GFM2: variants seen among roughly 807,000 people sequenced by gnomAD.
GFM2 encodes GTP dependent ribosome recycling factor mitochondrial 2.
Under a neutral mutation model 95.4 loss-of-function variants are expected in GFM2, and 72 were observed. The ratio of observed to expected loss-of-function variants is 0.76; its 90% CI spans 0.62 to 0.92. The LOEUF is 0.92. GFM2 is among the 40% of genes least tolerant of loss of function. The probability of loss-of-function intolerance (pLI) is 0.00; values close to 1 mark genes in which losing one functional copy is unlikely to be tolerated. For missense variants in GFM2, 825 were observed against 924.1 expected, an observed-to-expected ratio of 0.89 and a Z score of 1.39; for synonymous variants, 276 against 317.5, an observed-to-expected ratio of 0.87 and a Z score of 1.39.
intron 15 of GFM2, among the ~76,000 whole-genome samples, chr5:74,733,747 A>C (rs1579981029): frequency 6.6e-6 from 1 of 152,224 alleles, no homozygotes; most frequent in Non-Finnish European, 1.5e-5. Context: ...TTATTTTCCA[A>C]ATATCAATTT....
intron 5 of GFM2, among the ~76,000 whole-genome samples, chr5:74,753,550 T>C (rs1040182483): frequency 6.6e-6 from 1 of 152,076 alleles, no homozygotes; most frequent in Non-Finnish European, 1.5e-5. Context: ...TGAGCCGAGA[T>C]TGTACCACTG....
In GFM2 at chr5:74,725,685, G is replaced by A; in HGVS notation, c.1983C>T (p.Thr661=). The change falls in exon 19 of 21, where the codon ACC becomes ACT. Residue 661 remains threonine, a synonymous_variant. Transcript: ENST00000296805. The part of the protein sequence containing the change: ...TLHSLTIHPG[T]STTMISACVS... ...CACAGGCAGAAATCATAGTTGTGGAGGTGCCAGGATGAATTGTCAGGGAAT... is the reference window on the plus strand; with the variant it reads ...CACAGGCAGAAATCATAGTTGTGGAAGTGCCAGGATGAATTGTCAGGGAAT... The A allele has an allele frequency of 6.2e-7, 1 of 1,613,822 alleles. No individual in the cohort carries two copies. Among genetic ancestry groups the A allele is most frequent in the Non-Finnish European group, 8.5e-7 (1 of 1,179,792 alleles).
chr5:74,726,325 C>G (rs1015596230), intron 17 of GFM2, among the ~76,000 whole-genome samples, 199 bp from the exon 18 acceptor site: 2 of 152,096 alleles, frequency 1.3e-5, no homozygotes, highest in Non-Finnish European at 2.9e-5. Flanking sequence ...CTGTGTTGAT[C>G]AATGTTAAAA....
intron 3 of GFM2, 41 bp downstream of exon 3, chr5:74,760,861 C>T: frequency 8.0e-7 from 1 of 1,242,752 alleles, no homozygotes; most frequent in South Asian, 1.3e-5. Flanking sequence ...AGAGATAAAG[C>T]AAACAGCTTA....
chr5:74,751,218 A>G (rs1743687636), intron 6 of GFM2, 150 bp downstream of exon 6: 1 of 651,090 alleles, frequency 1.5e-6, no homozygotes, highest in African/African-American at 1.9e-5. Context: ...TATACTTAAC[A>G]CTACTAAACT....
intron 19 of GFM2, 22 bp from the exon 20 acceptor site, chr5:74,722,583 A>C (rs367676220): frequency 6.3e-7 from 1 of 1,578,678 alleles, no homozygotes; most frequent in African/African-American, 1.4e-5. Context: ...AAAGAATGTT[A>C]ACTTATCTTT....
intron 7 of GFM2, 31 bp from the exon 8 acceptor site, chr5:74,747,811 C>T (rs377349830): frequency 3.1e-6 from 4 of 1,280,698 alleles, no homozygotes; most frequent in Non-Finnish European, 4.5e-6. Context: ...AAAATACATA[C>T]TGAACAAAAG....
At chr5:74,732,963 CA>C in intron 16 of GFM2, 58 bp downstream of exon 16, 1 of 895,106 alleles carries the variant, frequency 1.1e-6, no homozygotes, top group South Asian at 1.3e-5. Context: ...CACACACACA[CA>C]CACACACACA....
At chr5:74,758,787 A>G in intron 5 of GFM2, 62 bp downstream of exon 5, 5 of 1,072,250 alleles carry the variant, frequency 4.7e-6, no homozygotes, top group Admixed American at 1.7e-5. Context: ...TTGTTAACCA[A>G]AATATTTTCC....
chr5:74,730,356 G>C lies in GFM2; in HGVS notation c.1630C>G (p.His544Asp), dbSNP rs1393079783. ...GMGELHIEII[H>D]DRIKREYGLE... is the part of the protein sequence containing the mutation. ...CCATATTCCCTCTTGATTCGATCAT[G>C]AATAATCTCTATATGTAACTCCCCC... is the stretch of plus-strand genomic sequence containing the variant. The change falls in exon 17 of 21, where the codon CAT becomes GAT. Residue 544 changes from histidine to aspartate, a missense_variant. His to Asp is a moderately conservative substitution (Grantham distance 81). Coordinates refer to ENST00000296805, the MANE Select transcript of GFM2 (RefSeq NM_032380.5). 1.9e-6 allele frequency: 3 copies of C among 1,612,108 alleles called. No homozygotes were observed.
At chr5:74,726,158 A>T in intron 17 of GFM2, 32 bp from the exon 18 acceptor site, 1 of 1,528,594 alleles carries the variant, frequency 6.5e-7, no homozygotes, top group Non-Finnish European at 8.9e-7. Flanking sequence ...CACCTCAGAG[A>T]TTAATTCTGG....
rs560762903 is a variant in GFM2, at chr5:74,767,099, C to T, written c.-186G>A. 1.9e-5 allele frequency: 9 copies of T among 473,194 alleles called. No individual in the cohort carries two copies. The East Asian group carries it at 2.6e-4, about 14-fold the overall frequency. The allele number at this position is 473,194 out of a possible 1,614,324, so 29.3% of individuals were successfully genotyped here. On this transcript the variant is annotated 5_prime_UTR_variant, in exon 1 of 21. Coordinates refer to ENST00000296805, the MANE Select transcript of GFM2 (RefSeq NM_032380.5). Reference sequence around the variant, plus strand: ...AGAAAATAGGCTTTCTCCGCTCTACCGCCTCGGGCAGCCACACCTCCACAC... The same window carrying T: ...AGAAAATAGGCTTTCTCCGCTCTACTGCCTCGGGCAGCCACACCTCCACAC...
Position 74,730,375 on chromosome 5 carries a change from C to T in GFM2, c.1611G>A (p.Glu537=). Residue 537 remains glutamate (E), a synonymous_variant, in exon 17 of 21, where the codon GAG becomes GAA. Transcript: ENST00000296805. ...SGQTVLCGMG[E]LHIEIIHDRI... ...GATCATGAATAATCTCTATATGTAACTCCCCCATACCACACAGAACAGTCT... is the reference window on the plus strand; with the variant it reads ...GATCATGAATAATCTCTATATGTAATTCCCCCATACCACACAGAACAGTCT... 6.2e-7 allele frequency: 1 copy of T among 1,608,814 alleles called. No individual in the cohort carries two copies.
At position 74,726,038 on chromosome 5, in the gene GFM2, A is replaced by G. The variant is rs201580206; in HGVS notation, c.1815T>C (p.Pro605=). The G allele has an allele frequency of 7.9e-5, 127 of 1,613,490 alleles. No individual in the cohort carries two copies. The East Asian group carries it at 2.8e-3, about 36-fold the overall frequency. ...TTTCAGCATACTCAAACTCAATCAC[A>G]GGCATAACAGATGATGTTTCAATTG... ...ARPIETSSVM[P]VIEFEYAESI... is the part of the protein sequence containing the mutation. The change falls in exon 18 of 21, where the codon CCT becomes CCC. Residue 605 remains proline, a synonymous_variant. Coordinates refer to ENST00000296805, the MANE Select transcript of GFM2 (RefSeq NM_032380.5).
Position 74,738,563 on chromosome 5 carries a change from G to A in GFM2, c.1159C>T (p.Arg387Cys), listed in dbSNP as rs866401948. ...DKQRGPLVFM[R>C]IYSGTIKPQL... ...GGTTTTATAGTGCCTGAGTAAATGC[G>A]CATAAAAACCAGTGGTCCTCGCTGC... The change falls in exon 13 of 21, where the codon CGC becomes TGC. Residue 387 changes from arginine (R) to cysteine (C), a missense_variant. Transcript: ENST00000296805. The A allele has an allele frequency of 7.4e-6, 12 of 1,613,402 alleles. No individual in the cohort carries two copies. The highest frequency in any genetic ancestry group is 6.7e-5 in the Admixed American group (4 of 59,942).
rs377218870 is a variant in GFM2, at chr5:74,758,936, T to C, written c.217A>G (p.Ile73Val). 1 of 1,600,614 alleles carries C rather than the reference T, an allele frequency of 6.2e-7. No individual in the cohort carries two copies. The highest frequency in any genetic ancestry group is 1.1e-5 in the South Asian group (1 of 90,842). Reference protein sequence around the residue: ...INPPIAKIRNIGIMAHIDAGK... With the variant: ...INPPIAKIRNVGIMAHIDAGK... ...GCATCAATATGAGCCATAATTCCAA[T>C]ATTACGGATTCTGTTTAAAAGGAAA... Residue 73 changes from isoleucine to valine, a missense_variant, in exon 5 of 21, where the codon ATT becomes GTT. Coordinates refer to ENST00000296805, the MANE Select transcript of GFM2 (RefSeq NM_032380.5).
At position 74,750,581 on chromosome 5, in the gene GFM2, C is replaced by T. The variant is rs1400475494; in HGVS notation, c.517G>A (p.Glu173Lys). The T allele has an allele frequency of 6.2e-7, 1 of 1,608,910 alleles. No individual in the cohort carries two copies. Among genetic ancestry groups the T allele is most frequent in the African/African-American group, 1.3e-5 (1 of 74,896 alleles). ...VAVFDASAGV[E>K]AQTLTVWRQA... ...TTTACTTTGGCAATATTATTTACCT[C>T]TACACCAGCAGAGGCATCAAATACA... Residue 173 changes from glutamate (E) to lysine (K), a missense_variant and splice_region_variant, in exon 7 of 21, where the codon GAG becomes AAG. Glu to Lys is a moderately conservative substitution (Grantham distance 56). Coordinates refer to ENST00000296805, the MANE Select transcript of GFM2 (RefSeq NM_032380.5).
rs1744245642 is a variant in GFM2, at chr5:74,760,889, C to G, written c.148+13G>C. ...ACAGCTTAGATAAAATTAGAAGACTCTAACATTTGTACCTGGTAGAGAACT... is the reference window on the plus strand; with the variant it reads ...ACAGCTTAGATAAAATTAGAAGACTGTAACATTTGTACCTGGTAGAGAACT... On this transcript the variant is annotated intron_variant, in intron 3 of 20. Coordinates refer to ENST00000296805, the MANE Select transcript of GFM2 (RefSeq NM_032380.5). 6.5e-7 allele frequency: 1 copy of G among 1,536,906 alleles called. No homozygotes were observed. Among genetic ancestry groups the G allele is most frequent in the Admixed American group, 1.8e-5 (1 of 56,050 alleles).
chr5:74,749,012 CTT>C (rs1743556449), intron 7 of GFM2, among the ~76,000 whole-genome samples: 1 of 150,232 alleles, frequency 6.7e-6, no homozygotes, highest in Non-Finnish European at 1.5e-5. Flanking sequence ...ATTTTGCAGT[CTT>C]TTTAATTTTT....
Sources: allele counts gnomAD v4.1 joint callset (sites outside exome capture counted in the v4.1 genomes callset), GRCh38; gene constraint gnomAD v4.1.1; transcripts MANE v1.5; gene names NCBI Gene and HGNC (gene_info 2026-07-23, HGNC 2026-07-21).